GRIP1: variants seen among roughly 807,000 people sequenced by gnomAD.
GRIP1 encodes glutamate receptor interacting protein 1, also known as glutamate receptor-interacting protein 1.
In GRIP1, 45 loss-of-function variants were observed where a neutral mutation model predicts 129.9. The ratio of observed to expected loss-of-function variants is 0.35; its 90% CI spans 0.27 to 0.44. The LOEUF (loss-of-function observed/expected upper bound fraction) is 0.44. Among genes scored for constraint, GRIP1 ranks in the 20% least tolerant of loss-of-function variants. The pLI is 1.00. For synonymous variants in GRIP1, 530 were observed against 520.8 expected (o/e 1.02, Z -0.24); for missense variants, 1,196 against 1,396.8 (o/e 0.86, Z 2.29).
intron 1 of GRIP1, among the ~76,000 whole-genome samples, chr12:66,698,937 C>T (rs530477083): frequency 1.1e-4 from 17 of 152,150 alleles, no homozygotes; most frequent in Non-Finnish European, 2.2e-4. Context: ...ACCCTTGCAG[C>T]GTTGTTGGGA....
chr12:66,538,997 T>G, intron 4 of GRIP1, 81 bp downstream of exon 4: 1 of 1,143,652 alleles, frequency 8.7e-7, no homozygotes, highest in South Asian at 1.2e-5. Flanking sequence ...TATATAGGGT[T>G]TGGTATTATG....
At chr12:66,922,539 C>CTT (rs1227893746) in intron 1 of GRIP1, among the ~76,000 whole-genome samples, 1 of 152,176 alleles carries the variant, frequency 6.6e-6, no homozygotes, top group Non-Finnish European at 1.5e-5. Context: ...AATATCCAGT[C>CTT]TTTTTCTTAA....
chr12:66,603,022 T>A (rs1484206663), intron 1 of GRIP1, among the ~76,000 whole-genome samples: 1 of 151,674 alleles, frequency 6.6e-6, no homozygotes, highest in African/African-American at 2.4e-5. Context: ...CAAGCCTGAC[T>A]TTTTTAAAAT....
At chr12:67,007,937 CA>C (rs998343100) in intron 1 of GRIP1, among the ~76,000 whole-genome samples, 43 of 150,726 alleles carry the variant, frequency 2.9e-4, no homozygotes, top group African/African-American at 1.0e-3. Context: ...TTAACAACAA[CA>C]AAAAAAAATC....
intron 1 of GRIP1, among the ~76,000 whole-genome samples, chr12:66,614,599 T>C (rs1351895161): frequency 6.6e-6 from 1 of 152,134 alleles, no homozygotes. Context: ...ATCTATCTAC[T>C]ATGCATGCAT....
intron 1 of GRIP1, among the ~76,000 whole-genome samples, chr12:66,945,160 A>G (rs1289717608): frequency 6.6e-6 from 1 of 152,074 alleles, no homozygotes; most frequent in Non-Finnish European, 1.5e-5. Context: ...TATCTTATTT[A>G]CTTTTTCAAA....
At chr12:66,525,879 C>T (rs1410499270) in intron 5 of GRIP1, among the ~76,000 whole-genome samples, 2 of 151,874 alleles carry the variant, frequency 1.3e-5, no homozygotes, top group Non-Finnish European at 1.5e-5. Context: ...CATTCTTATA[C>T]ACCAATAACA....
intron 19 of GRIP1, among the ~76,000 whole-genome samples, chr12:66,391,306 G>A (rs115345758): frequency 6.6e-6 from 1 of 152,326 alleles, no homozygotes; most frequent in African/African-American, 2.4e-5. Flanking sequence ...GAGAAGGTAA[G>A]GCTCAGATGA....
intron 1 of GRIP1, among the ~76,000 whole-genome samples, chr12:66,773,145 C>T (rs2037873098): frequency 6.6e-6 from 1 of 152,124 alleles, no homozygotes; most frequent in Non-Finnish European, 1.5e-5. Context: ...CTGAGGTCCG[C>T]ATTTACCTTC....
intron 1 of GRIP1, among the ~76,000 whole-genome samples, chr12:66,716,961 C>T (rs1201745547): frequency 6.6e-6 from 1 of 152,008 alleles, no homozygotes; most frequent in Non-Finnish European, 1.5e-5. Flanking sequence ...AAACACAGCC[C>T]AGGCAAGAAA....
chr12:66,994,028 C>T (rs1410106787), intron 1 of GRIP1, among the ~76,000 whole-genome samples: 1 of 151,944 alleles, frequency 6.6e-6, no homozygotes, highest in Admixed American at 6.6e-5. Flanking sequence ...TTAAACCTCC[C>T]CCAAAGAAAA....
At chr12:66,798,175 CA>C (rs2038756201) in intron 1 of GRIP1, among the ~76,000 whole-genome samples, 1 of 151,878 alleles carries the variant, frequency 6.6e-6, no homozygotes, top group African/African-American at 2.4e-5. Flanking sequence ...TAGAAATCAA[CA>C]AAAAATAAGT....
intron 11 of GRIP1, among the ~76,000 whole-genome samples, chr12:66,450,633 T>C (rs1592347590): frequency 6.6e-6 from 1 of 151,942 alleles, no homozygotes; most frequent in African/African-American, 2.4e-5. Context: ...ATTTATATTA[T>C]ACATATAGCA....
At chr12:66,522,905 G>A (rs532507052) in intron 5 of GRIP1, among the ~76,000 whole-genome samples, 17 of 152,090 alleles carry the variant, frequency 1.1e-4, no homozygotes, top group East Asian at 5.8e-4. Flanking sequence ...GAGCCGATGC[G>A]CTCAACTGGA....
chr12:66,746,804 G>A (rs1191006108), intron 1 of GRIP1, among the ~76,000 whole-genome samples: 1 of 152,224 alleles, frequency 6.6e-6, no homozygotes. Context: ...GACATTTTAA[G>A]GGAATTTGCT....
At chr12:67,009,429 A>C (rs2042673638) in intron 1 of GRIP1, among the ~76,000 whole-genome samples, 1 of 152,138 alleles carries the variant, frequency 6.6e-6, no homozygotes. Flanking sequence ...TAAAAAGCAA[A>C]ACAGCTAGGA....
At chr12:66,797,135 AT>A (rs1161550725) in intron 1 of GRIP1, among the ~76,000 whole-genome samples, 2 of 152,196 alleles carry the variant, frequency 1.3e-5, no homozygotes, top group East Asian at 1.9e-4. Flanking sequence ...TAAAAATTCT[AT>A]TATATTCTAA....
At chr12:66,980,604 C>T (rs946647435) in intron 1 of GRIP1, among the ~76,000 whole-genome samples, 5 of 152,094 alleles carry the variant, frequency 3.3e-5, no homozygotes, top group Admixed American at 1.3e-4. Flanking sequence ...AGCGAGACTC[C>T]GTCTCAAAAG....
chr12:66,458,215 CCT>C (rs63000761), intron 9 of GRIP1, among the ~76,000 whole-genome samples: 40,324 of 151,636 alleles, frequency 0.27, 6,266 homozygotes, highest in African/African-American at 0.42. Context: ...TTGGATTCCC[CCT>C]CTCTCTCCAC....
Sources: allele counts gnomAD v4.1 joint callset (sites outside exome capture counted in the v4.1 genomes callset), GRCh38; gene constraint gnomAD v4.1.1; transcripts MANE v1.5; gene names NCBI Gene and HGNC (gene_info 2026-07-23, HGNC 2026-07-21).